PGBD2: variants seen among roughly 807,000 people sequenced by gnomAD.
PGBD2 encodes piggyBac transposable element derived 2.
In PGBD2, 6 loss-of-function variants were observed where a neutral mutation model predicts 8.1. The ratio of observed to expected loss-of-function variants is 0.74; its 90% CI spans 0.40 to 1.46. The LOEUF is 1.46. PGBD2 is among the 40% of genes most tolerant of loss of function. The pLI is 0.02. For missense variants in PGBD2, 802 were observed against 739.0 expected (o/e 1.09, Z -0.99); for synonymous variants, 318 against 272.2 (o/e 1.17, Z -1.66).
chr1:248,891,611 C>T, the PGBD2 span, among the ~76,000 whole-genome samples: 3 of 152,150 alleles, frequency 2.0e-5, no homozygotes, highest in Admixed American at 6.5e-5. Context: ...AGGTGAATTG[C>T]GTGAGCCCAG....
chr1:248,908,516 A>C (rs1266175351), intron 1 of PGBD2, among the ~76,000 whole-genome samples: 3 of 151,962 alleles, frequency 2.0e-5, no homozygotes, highest in African/African-American at 7.3e-5. Flanking sequence ...TTTACATTTT[A>C]AGTCCTCCTT....
chr1:248,890,420 G>T, the PGBD2 span, among the ~76,000 whole-genome samples: 1 of 152,086 alleles, frequency 6.6e-6, no homozygotes, highest in Non-Finnish European at 1.5e-5. Context: ...GATGCAATGG[G>T]ATTAGGAATC....
intron 1 of PGBD2, chr1:248,906,585 G>C (rs1306292983): frequency 6.8e-6 from 1 of 146,572 alleles, no homozygotes; most frequent in Non-Finnish European, 1.5e-5. Flanking sequence ...GGCGGAGCGG[G>C]GTGGGTGGGG....
the PGBD2 span, among the ~76,000 whole-genome samples, chr1:248,878,180 ATCT>A: frequency 1.8e-5 from 2 of 111,056 alleles, no homozygotes; most frequent in South Asian, 6.5e-4. Flanking sequence ...TGTTTTCCAT[ATCT>A]TTTTTTTTTT....
chr1:248,893,425 A>G, the PGBD2 span, among the ~76,000 whole-genome samples: 5 of 152,064 alleles, frequency 3.3e-5, no homozygotes, highest in African/African-American at 1.2e-4. Flanking sequence ...CCTACTTTTT[A>G]TATGTTTGAC....
At chr1:248,881,919 G>T in the PGBD2 span, among the ~76,000 whole-genome samples, 3 of 152,170 alleles carry the variant, frequency 2.0e-5, no homozygotes, top group African/African-American at 2.4e-5. Flanking sequence ...AAGTTAAAAA[G>T]ATTTGGAATA....
the PGBD2 span, among the ~76,000 whole-genome samples, chr1:248,926,128 GA>G: frequency 6.6e-6 from 1 of 152,052 alleles, no homozygotes; most frequent in African/African-American, 2.4e-5. Flanking sequence ...CTGTGGAGCT[GA>G]AAAAAGGTGG....
intron 1 of PGBD2, among the ~76,000 whole-genome samples, chr1:248,907,758 G>T (rs1235108144): frequency 6.6e-6 from 1 of 152,178 alleles, no homozygotes; most frequent in East Asian, 1.9e-4. Flanking sequence ...GTGAGGTCAA[G>T]GTTGGAGCAA....
At position 248,917,738 on chromosome 1, in the gene PGBD2, A is replaced by G. The variant is rs1245124503; in HGVS notation, c.1154A>G (p.Lys385Arg). Reference protein sequence around the residue: ...REYRTERCPLKDPKELKKMKR... With the variant: ...REYRTERCPLRDPKELKKMKR... ...TACAGGACTGAGCGATGTCCCCTAA[A>G]AGACCCCAAAGAACTGAAAAAAATG... is the stretch of plus-strand genomic sequence containing the variant. Residue 385 changes from lysine to arginine, a missense_variant, in exon 3 of 3, where the codon AAA becomes AGA. Coordinates refer to ENST00000329291, the MANE Select transcript of PGBD2 (RefSeq NM_170725.3). 2 of 1,614,260 alleles carry G rather than the reference A, an allele frequency of 1.2e-6. No homozygotes were observed. Among genetic ancestry groups the G allele is most frequent in the Admixed American group, 3.3e-5 (2 of 60,034 alleles).
the PGBD2 span, among the ~76,000 whole-genome samples, chr1:248,929,286 G>A: frequency 7.5e-3 from 1,141 of 151,998 alleles, 11 homozygotes; most frequent in Non-Finnish European, 0.011. Context: ...ATCTCCATTC[G>A]TCTCTCTTTT....
chr1:248,902,415 A>G (rs189476108), upstream of PGBD2, among the ~76,000 whole-genome samples: 50 of 152,378 alleles, frequency 3.3e-4, no homozygotes, highest in South Asian at 4.1e-4. Flanking sequence ...AATCAGTTCA[A>G]CCATTGTGAA....
chr1:248,876,175 A>C, the PGBD2 span, among the ~76,000 whole-genome samples: 8 of 151,722 alleles, frequency 5.3e-5, no homozygotes, highest in Admixed American at 5.3e-4. Context: ...TGCCTGGCTA[A>C]TTTTGTATTT....
the PGBD2 span, among the ~76,000 whole-genome samples, chr1:248,889,525 T>C: frequency 6.6e-6 from 1 of 152,212 alleles, no homozygotes; most frequent in Non-Finnish European, 1.5e-5. Flanking sequence ...AGCACCGTCA[T>C]CTCAAACAAA....
intron 1 of PGBD2, among the ~76,000 whole-genome samples, chr1:248,909,313 C>T (rs993407374): frequency 6.6e-6 from 1 of 152,152 alleles, no homozygotes; most frequent in Non-Finnish European, 1.5e-5. Flanking sequence ...CCCCTCTGAC[C>T]TGGTTGAGTC....
chr1:248,900,149 A>C, the PGBD2 span, among the ~76,000 whole-genome samples: 1 of 151,544 alleles, frequency 6.6e-6, no homozygotes, highest in East Asian at 1.9e-4. Flanking sequence ...GCTTAATTCT[A>C]CCAGAGGTGT....
At chr1:248,910,483 G>C (rs1661833213) in intron 1 of PGBD2, among the ~76,000 whole-genome samples, 1 of 152,192 alleles carries the variant, frequency 6.6e-6, no homozygotes, top group Non-Finnish European at 1.5e-5. Flanking sequence ...ACAGGTGAAA[G>C]ACAAGGGCAC....
chr1:248,900,094 T>C, the PGBD2 span, among the ~76,000 whole-genome samples: 6 of 54,030 alleles, frequency 1.1e-4, no homozygotes, highest in South Asian at 2.0e-3. Flanking sequence ...ATAAATAGCC[T>C]ACCAAAAAAA....
downstream of PGBD2, among the ~76,000 whole-genome samples, chr1:248,920,356 C>G (rs1421832688): frequency 6.7e-6 from 1 of 150,184 alleles, no homozygotes; most frequent in Non-Finnish European, 1.5e-5. Context: ...TCCATGTGTT[C>G]TTATTGTTCA....
rs763965865 is a variant in PGBD2, at chr1:248,917,575, G to C, written c.991G>C (p.Val331Leu). The C allele has an allele frequency of 3.7e-6, 6 of 1,614,212 alleles. No homozygotes were observed. The South Asian group carries it at 4.4e-5, about 12-fold the overall frequency. ...GAGCTTGGATCTAGGAGGCAGTATGGTAATAAAATTTGTGGATGCGCTTCA... is the reference window on the plus strand; with the variant it reads ...GAGCTTGGATCTAGGAGGCAGTATGCTAATAAAATTTGTGGATGCGCTTCA... ...DRSLDLGGSM[V>L]IKFVDALQER... Residue 331 changes from valine (V) to leucine (L), a missense_variant, in exon 3 of 3, where the codon GTA (valine) becomes CTA (leucine). By Grantham distance (32) the Val-to-Leu change is conservative (BLOSUM62 1). Coordinates refer to ENST00000329291, the MANE Select transcript of PGBD2 (RefSeq NM_170725.3).
Sources: gnomAD v4.1 joint callset for allele counts (sites outside exome capture counted in the v4.1 genomes callset) on GRCh38, gnomAD v4.1.1 for gene constraint, MANE v1.5 for transcripts, NCBI Gene and HGNC (gene_info 2026-07-23, HGNC 2026-07-21) for gene names.